The following BTBD9 variants were observed in gnomAD, a reference collection of about 807,000 sequenced individuals.
BTBD9 encodes BTB domain containing 9, also known as BTB/POZ domain-containing protein 9.
Under a neutral mutation model 64.3 loss-of-function variants are expected in BTBD9, and 49 were observed. That is an observed-to-expected ratio of 0.76 (90% confidence interval 0.61 to 0.97). BTBD9 has a LOEUF of 0.97. Among genes scored for constraint, BTBD9 ranks in the 50% least tolerant of loss-of-function variants. The pLI, the probability that BTBD9 is intolerant of heterozygous loss-of-function variation, is 0.00. For synonymous variants in BTBD9, 260 were observed against 274.7 expected (o/e 0.95, Z 0.53); for missense variants, 598 against 762.1 (o/e 0.78, Z 2.53).
At chr6:38,296,104 G>C (rs1582182343) in intron 7 of BTBD9, among the ~76,000 whole-genome samples, 2 of 152,260 alleles carry the variant, frequency 1.3e-5, no homozygotes, top group South Asian at 2.1e-4. Context: ...TGGTTGATTT[G>C]ACTAGCCTTG....
intron 6 of BTBD9, among the ~76,000 whole-genome samples, chr6:38,552,612 C>T (rs772382252): frequency 2.6e-5 from 4 of 152,014 alleles, no homozygotes; most frequent in Admixed American, 6.6e-5. Context: ...ACCAAAAATA[C>T]AAAAATTAGC....
chr6:38,344,956 C>T (rs1764224291), intron 7 of BTBD9, 28 bp downstream of exon 7: 3 of 1,375,162 alleles, frequency 2.2e-6, no homozygotes, highest in East Asian at 2.3e-5. Context: ...TCCAAATATA[C>T]ATACAAAAAT....
In BTBD9 at chr6:38,443,778, CCTCCTAGCT is replaced by C. The variant is rs1463644257; in HGVS notation, c.1155-98694_1155-98686del. 6.1e-4 allele frequency among the ~76,000 whole-genome samples: 93 copies of C among 152,274 alleles called. 1 individual carries two copies. The East Asian group carries it at 0.015, about 25-fold the overall frequency. On this transcript the variant is annotated intron_variant, in intron 6 of 10. Transcript: ENST00000481247. ...CCTGCCCTTGTTGCTACGACCTTAG[CCTCCTAGCT>C]AGCATCTCTTCTCTCATCAAAATTA...
chr6:38,401,692 T>C (rs79670876), intron 6 of BTBD9, among the ~76,000 whole-genome samples: 2 of 152,348 alleles, frequency 1.3e-5, no homozygotes, highest in East Asian at 1.9e-4. Flanking sequence ...AAAGGCAGTA[T>C]GTATAGTCAA....
intron 5 of BTBD9, among the ~76,000 whole-genome samples, chr6:38,578,234 G>GCC (rs986689292): frequency 1.3e-5 from 2 of 152,088 alleles, no homozygotes; most frequent in African/African-American, 2.4e-5. Flanking sequence ...ATCTCCTGCT[G>GCC]CCTCCCAGTC....
chr6:38,185,163 T>C (rs1022807691), intron 10 of BTBD9, among the ~76,000 whole-genome samples: 2 of 150,904 alleles, frequency 1.3e-5, no homozygotes, highest in Non-Finnish European at 3.0e-5. Context: ...AGATCAGGAC[T>C]CACCCTCCTC....
chr6:38,563,315 A>C (rs1252837513), intron 6 of BTBD9, among the ~76,000 whole-genome samples: 2 of 152,130 alleles, frequency 1.3e-5, no homozygotes, highest in Non-Finnish European at 2.9e-5. Flanking sequence ...TGTATCTAAC[A>C]ATGCTCCCTG....
At chr6:38,474,238 C>G (rs1192775295) in intron 6 of BTBD9, among the ~76,000 whole-genome samples, 1 of 152,122 alleles carries the variant, frequency 6.6e-6, no homozygotes, top group Non-Finnish European at 1.5e-5. Context: ...CTGGAAAGAG[C>G]TGAGGCTGGG....
At chr6:38,614,631 C>A (rs1479134785) in intron 1 of BTBD9, among the ~76,000 whole-genome samples, 1 of 152,220 alleles carries the variant, frequency 6.6e-6, no homozygotes, top group Non-Finnish European at 1.5e-5. Flanking sequence ...CTCAGTGAAT[C>A]CGGCTGTGGA....
chr6:38,597,786 G>A (rs1777097383), intron 2 of BTBD9, 124 bp downstream of exon 2: 1 of 774,728 alleles, frequency 1.3e-6, no homozygotes, highest in Non-Finnish European at 2.1e-6. Context: ...AATCTTCATA[G>A]ATATTGAATT....
intron 6 of BTBD9, among the ~76,000 whole-genome samples, chr6:38,506,893 C>A (rs1427511741): frequency 6.6e-6 from 1 of 152,172 alleles, no homozygotes; most frequent in African/African-American, 2.4e-5. Flanking sequence ...TCTCAAGTTT[C>A]CTATCTCTTC....
intron 6 of BTBD9, among the ~76,000 whole-genome samples, chr6:38,485,115 C>A (rs1299971244): frequency 6.6e-6 from 1 of 152,186 alleles, no homozygotes; most frequent in Admixed American, 6.5e-5. Flanking sequence ...ACCATTTCAA[C>A]AATATTCACT....
intron 6 of BTBD9, among the ~76,000 whole-genome samples, chr6:38,478,511 A>G (rs1430840381): frequency 6.6e-6 from 1 of 152,128 alleles, no homozygotes; most frequent in East Asian, 1.9e-4. Flanking sequence ...GTCATCTACA[A>G]CCACTTTCTC....
At chr6:38,618,251 A>G (rs959904481) in intron 1 of BTBD9, among the ~76,000 whole-genome samples, 2 of 152,202 alleles carry the variant, frequency 1.3e-5, no homozygotes, top group Admixed American at 6.5e-5. Flanking sequence ...TTTCTGCACT[A>G]CGGCCTGGGC....
At chr6:38,355,641 A>G (rs932875823) in intron 6 of BTBD9, among the ~76,000 whole-genome samples, 24 of 152,238 alleles carry the variant, frequency 1.6e-4, no homozygotes, top group Admixed American at 1.1e-3. Flanking sequence ...AGATTCTATC[A>G]TATTACTAAT....
intron 6 of BTBD9, among the ~76,000 whole-genome samples, chr6:38,392,325 G>A (rs1464063728): frequency 6.6e-6 from 1 of 152,150 alleles, no homozygotes; most frequent in Non-Finnish European, 1.5e-5. Context: ...TGGTTAGTTG[G>A]GAAATGATCC....
At position 38,394,501 on chromosome 6, in the gene BTBD9, G is replaced by T. The variant is rs147469985; in HGVS notation, c.1155-49408C>A. 1.8e-3 allele frequency among the ~76,000 whole-genome samples: 273 copies of T among 152,282 alleles called. 1 individual carries two copies. Among genetic ancestry groups the T allele is most frequent in the African/African-American group, 6.0e-3 (249 of 41,552 alleles). On this transcript the variant is annotated intron_variant, in intron 6 of 10. Coordinates refer to ENST00000481247, the MANE Select transcript of BTBD9 (RefSeq NM_001099272.2). Reference sequence around the variant, plus strand: ...CAGGGCATGCCAGAGGGGCTAAAAAGAAATTTTACAGATGCATCATACAGT... The same window carrying T: ...CAGGGCATGCCAGAGGGGCTAAAAATAAATTTTACAGATGCATCATACAGT...
chr6:38,482,522 AT>A (rs1449707665), intron 6 of BTBD9: 1 of 151,798 alleles, frequency 6.6e-6, no homozygotes, highest in Non-Finnish European at 1.5e-5. Flanking sequence ...TAAACACTTA[AT>A]TTTATTCATG....
At position 38,172,973 on chromosome 6, in the gene BTBD9, CCCA is replaced by C. The variant is rs1766857619; in HGVS notation, c.*2009_*2011del. ...GCAGCTCCTCCAGCACCCCCACCAG[CCCA>C]CCCTCTCTTCCCAAGGTCAGCAGCA... On this transcript the variant is annotated 3_prime_UTR_variant, in exon 11 of 11. Transcript: ENST00000481247. 1 of 152,398 alleles carries C rather than the reference CCCA, an allele frequency of 6.6e-6. No individual in the cohort carries two copies. Among genetic ancestry groups the C allele is most frequent in the African/African-American group, 2.4e-5 (1 of 41,476 alleles). 9.4% of individuals were successfully genotyped at this position (152,398 alleles called of 1,614,324 possible). A position where few individuals can be genotyped will look rare whatever the true frequency, so the allele number is the denominator to read the frequency against.
Sources: gnomAD v4.1 joint callset for allele counts (sites outside exome capture counted in the v4.1 genomes callset) on GRCh38, gnomAD v4.1.1 for gene constraint, MANE v1.5 for transcripts, NCBI Gene and HGNC (gene_info 2026-07-23, HGNC 2026-07-21) for gene names.